Variants in PLXNA2 observed in about 807,000 individuals in gnomAD.
PLXNA2 encodes plexin A2, also known as plexin-A2.
Under a neutral mutation model 193.5 loss-of-function variants are expected in PLXNA2, and 91 were observed. The ratio of observed to expected loss-of-function variants is 0.47; its 90% CI spans 0.40 to 0.56. PLXNA2 has a LOEUF of 0.56. PLXNA2 is among the 20% of genes least tolerant of loss of function. PLXNA2 has a pLI of 0.00. For synonymous variants in PLXNA2, 997 were observed against 1,027.3 expected (o/e 0.97, Z 0.56); for missense variants, 1,995 against 2,503.2 (o/e 0.80, Z 4.33).
chr1:208,077,485 G>C (rs898320316), intron 12 of PLXNA2, among the ~76,000 whole-genome samples: 2 of 152,206 alleles, frequency 1.3e-5, no homozygotes, highest in African/African-American at 4.8e-5. Context: ...TGGTGCAGCT[G>C]CTGGGGCTGG....
At chr1:208,070,013 G>C (rs12094094) in intron 12 of PLXNA2, among the ~76,000 whole-genome samples, 5 of 152,036 alleles carry the variant, frequency 3.3e-5, no homozygotes, top group Admixed American at 3.3e-4. Context: ...CTTCTTGAAG[G>C]TTCCACAGTG....
intron 3 of PLXNA2, among the ~76,000 whole-genome samples, chr1:208,171,730 C>T (rs1337564623): frequency 6.6e-6 from 1 of 151,990 alleles, no homozygotes; most frequent in East Asian, 2.0e-4. Context: ...GTGGCATGCG[C>T]CTGTAGTCCC....
chr1:208,141,203 ATCACTGCT>A (rs1571960637), intron 4 of PLXNA2, among the ~76,000 whole-genome samples: 1 of 152,246 alleles, frequency 6.6e-6, no homozygotes, highest in African/African-American at 2.4e-5. Context: ...TCAGAACTGC[ATCACTGCT>A]TCCCTTAATG....
At chr1:208,074,520 TG>T (rs1378932081) in intron 12 of PLXNA2, among the ~76,000 whole-genome samples, 1 of 152,204 alleles carries the variant, frequency 6.6e-6, no homozygotes, top group Admixed American at 6.5e-5. Context: ...TTCAATAGCC[TG>T]TACAACTTGT....
At chr1:208,084,030 C>A (rs1571897665) in intron 10 of PLXNA2, among the ~76,000 whole-genome samples, 1 of 152,218 alleles carries the variant, frequency 6.6e-6, no homozygotes, top group Non-Finnish European at 1.5e-5. Flanking sequence ...TTTGACATTG[C>A]ACGCCTGTAT....
At chr1:208,089,127 G>T (rs1372395680) in intron 9 of PLXNA2, among the ~76,000 whole-genome samples, 1 of 152,126 alleles carries the variant, frequency 6.6e-6, no homozygotes, top group Non-Finnish European at 1.5e-5. Flanking sequence ...GCATGGAATT[G>T]GTCCATCTGC....
chr1:208,237,848 C>T lies in PLXNA2; in HGVS notation c.-81+5795G>A, dbSNP rs370145177. Reference sequence around the variant, plus strand: ...TTTCTTCCTCCACTCCCTGAGTGTACTGTAAATGCCCTGAAGGTAAGATCT... The same window carrying T: ...TTTCTTCCTCCACTCCCTGAGTGTATTGTAAATGCCCTGAAGGTAAGATCT... On this transcript the variant is annotated intron_variant, in intron 1 of 31. Coordinates refer to ENST00000367033, the MANE Select transcript of PLXNA2 (RefSeq NM_025179.4). Among the ~76,000 whole-genome samples the T allele has an allele frequency of 9.3e-4, 141 of 152,304 alleles. 3 individuals carry two copies. The South Asian group carries it at 0.029, about 31-fold the overall frequency.
chr1:208,144,111 C>G (rs1214324729), intron 3 of PLXNA2, among the ~76,000 whole-genome samples: 3 of 152,190 alleles, frequency 2.0e-5, no homozygotes, highest in Admixed American at 1.3e-4. Context: ...TTTGGATTCT[C>G]TCTTGGGCCC....
At chr1:208,183,053 T>A (rs1669893717) in intron 3 of PLXNA2, among the ~76,000 whole-genome samples, 1 of 152,158 alleles carries the variant, frequency 6.6e-6, no homozygotes, top group African/African-American at 2.4e-5. Flanking sequence ...GTTGAATGTA[T>A]TCAGTCTGGG....
Position 208,043,118 on chromosome 1 carries a change from G to A in PLXNA2, c.3960C>T (p.Tyr1320=), listed in dbSNP as rs143549470. ...TGCCCGGGAACAGGACTCGCATAGC[G>A]TAGGTACGATAGTCCAGGTAAGGGA... ...SGIPYLDYRT[Y]AMRVLFPGIE... Residue 1320 remains tyrosine, a synonymous_variant, in exon 21 of 32, where the codon TAC becomes TAT. Transcript: ENST00000367033. The A allele has an allele frequency of 4.2e-5, 67 of 1,614,170 alleles. No individual in the cohort carries two copies. In the African/African-American group the frequency reaches 5.9e-4, roughly 14 times the overall value.
chr1:208,057,120 G>A (rs1011502048), intron 13 of PLXNA2, among the ~76,000 whole-genome samples: 9 of 152,170 alleles, frequency 5.9e-5, no homozygotes, highest in Admixed American at 5.9e-4. Flanking sequence ...GCAAATTCTA[G>A]CCCTTAATAA....
chr1:208,039,495 G>A, intron 24 of PLXNA2, 126 bp downstream of exon 24: 3 of 1,332,776 alleles, frequency 2.3e-6, no homozygotes, highest in Non-Finnish European at 3.1e-6. Flanking sequence ...TTGTCCTTTG[G>A]GCTCACCCCA....
chr1:208,064,983 C>A (rs899313716), intron 12 of PLXNA2, among the ~76,000 whole-genome samples: 1 of 152,180 alleles, frequency 6.6e-6, no homozygotes, highest in Non-Finnish European at 1.5e-5. Context: ...GTTGGCTCTC[C>A]TGGAAGCCAA....
chr1:208,112,559 G>C lies in PLXNA2; in HGVS notation c.1507-9312C>G, dbSNP rs574691930. ...TTACCATGCTCAGTGTCTAGATGCAGACCCCACTGAAGGTGGCAGTGCTAG... is the reference window on the plus strand; with the variant it reads ...TTACCATGCTCAGTGTCTAGATGCACACCCCACTGAAGGTGGCAGTGCTAG... On this transcript the variant is annotated intron_variant, in intron 4 of 31. Coordinates refer to ENST00000367033, the MANE Select transcript of PLXNA2 (RefSeq NM_025179.4). Among the ~76,000 whole-genome samples, 3 of 152,330 alleles carry C rather than the reference G, an allele frequency of 2.0e-5. No homozygotes were observed. The East Asian group carries it at 5.8e-4, about 29-fold the overall frequency.
intron 6 of PLXNA2, among the ~76,000 whole-genome samples, chr1:208,097,648 G>A (rs999786496): frequency 1.3e-5 from 2 of 152,184 alleles, no homozygotes; most frequent in African/African-American, 4.8e-5. Flanking sequence ...TGTCGATTGA[G>A]AAAATATTCA....
chr1:208,142,349 A>ACTAC lies in PLXNA2; in HGVS notation c.1485_1486insGTAG (p.Tyr496ValfsTer6). The ACTAC allele has an allele frequency of 6.2e-7, 1 of 1,606,830 alleles. No homozygotes were observed. The highest frequency in any genetic ancestry group is 8.5e-7 in the Non-Finnish European group (1 of 1,177,640). On this transcript the variant is annotated frameshift_variant, in exon 4 of 32. Transcript: ENST00000367033. LOFTEE classifies it high-confidence loss of function. ...CTTACCTGTCTCTCAGACATGACGT[A>ACTAC]CAGGTAGCGCTGATCAATGGAGAAG...
chr1:208,166,972 G>T (rs1276227102), intron 3 of PLXNA2, among the ~76,000 whole-genome samples: 1 of 152,176 alleles, frequency 6.6e-6, no homozygotes, highest in African/African-American at 2.4e-5. Context: ...TGCACCTGGG[G>T]CTACTGAATG....
At chr1:208,101,218 G>A (rs1263120293) in intron 5 of PLXNA2, among the ~76,000 whole-genome samples, 1 of 152,154 alleles carries the variant, frequency 6.6e-6, no homozygotes, top group Non-Finnish European at 1.5e-5. Flanking sequence ...CAAGAGCAAG[G>A]CATACAGAAG....
chr1:208,140,475 G>T (rs1668428822), intron 4 of PLXNA2, among the ~76,000 whole-genome samples: 1 of 152,078 alleles, frequency 6.6e-6, no homozygotes, highest in African/African-American at 2.4e-5. Flanking sequence ...CTACCCGCCT[G>T]GTCCTCTGCT....
Sources: gnomAD v4.1 joint callset for allele counts (sites outside exome capture counted in the v4.1 genomes callset) on GRCh38, gnomAD v4.1.1 for gene constraint, MANE v1.5 for transcripts, NCBI Gene and HGNC (gene_info 2026-07-23, HGNC 2026-07-21) for gene names.